STRN: variants seen among roughly 807,000 people sequenced by gnomAD.
STRN encodes the protein striatin, also known as protein phosphatase 2 regulatory subunit B'''alpha.
STRN carries 53 observed loss-of-function variants against 96.3 expected under a neutral mutation model. The ratio of observed to expected loss-of-function variants is 0.55; its 90% CI spans 0.44 to 0.69. The LOEUF is 0.69. Among genes scored for constraint, STRN ranks in the 30% least tolerant of loss-of-function variants. The probability of loss-of-function intolerance (pLI) is 0.00; values close to 1 mark genes in which losing one functional copy is unlikely to be tolerated. For synonymous variants in STRN, 428 were observed against 355.9 expected (o/e 1.20, Z -2.28); for missense variants, 987 against 963.9 (o/e 1.02, Z -0.32).
At position 36,849,431 on chromosome 2, in the gene STRN, T is replaced by C. The variant is rs200128558; in HGVS notation, c.*25A>G. On this transcript the variant is annotated 3_prime_UTR_variant, in exon 18 of 18. Coordinates refer to ENST00000263918, the MANE Select transcript of STRN (RefSeq NM_003162.4). ...GTGCAGTTGATTACTTATAAACAGCTAGAAGGTGAAGATGATGCATTGCGT... is the reference window on the plus strand; with the variant it reads ...GTGCAGTTGATTACTTATAAACAGCCAGAAGGTGAAGATGATGCATTGCGT... The C allele has an allele frequency of 7.8e-5, 126 of 1,612,358 alleles. No individual in the cohort carries two copies. The highest frequency in any genetic ancestry group is 6.7e-5 in the African/African-American group (5 of 74,838).
chr2:36,938,616 C>G (rs1193109112), intron 1 of STRN, among the ~76,000 whole-genome samples: 2 of 152,102 alleles, frequency 1.3e-5, no homozygotes, highest in East Asian at 3.8e-4. Context: ...TAAAAGTGGT[C>G]TGCAGCGTTT....
chr2:36,917,168 G>GT (rs897854726), intron 2 of STRN, among the ~76,000 whole-genome samples: 25 of 149,100 alleles, frequency 1.7e-4, no homozygotes, highest in Middle Eastern at 3.4e-3. Flanking sequence ...AAATTTGAAA[G>GT]TTTTTTTTTT....
chr2:36,929,613 G>A (rs1233789627), intron 1 of STRN, among the ~76,000 whole-genome samples: 1 of 152,152 alleles, frequency 6.6e-6, no homozygotes, highest in East Asian at 1.9e-4. Flanking sequence ...TCAAACTCCT[G>A]ACCTCGTGAT....
At chr2:36,919,017 G>C (rs1670179405) in intron 2 of STRN, among the ~76,000 whole-genome samples, 1 of 152,116 alleles carries the variant, frequency 6.6e-6, no homozygotes, top group African/African-American at 2.4e-5. Context: ...ATACACTAAA[G>C]AAGAGTAATT....
intron 2 of STRN, among the ~76,000 whole-genome samples, chr2:36,924,511 A>T (rs1417040087): frequency 6.6e-6 from 1 of 152,216 alleles, no homozygotes; most frequent in Non-Finnish European, 1.5e-5. Flanking sequence ...TTTCAACTTT[A>T]AAATGAATGG....
intron 1 of STRN, among the ~76,000 whole-genome samples, chr2:36,964,272 GT>G (rs1396593481): frequency 1.1e-3 from 140 of 132,776 alleles, no homozygotes; most frequent in South Asian, 1.7e-3. Context: ...TTTTGTTTTT[GT>G]TTTTTTTTTT....
chr2:36,842,161 C>T lies in STRN; in HGVS notation c.*7295G>A, dbSNP rs1667968641. ...CCACAAGCTGTTTATTTCTACAACT[C>T]ACGATTAATGTAAAACGTTGCTTTC... On this transcript the variant is annotated 3_prime_UTR_variant, in exon 18 of 18. Transcript: ENST00000263918. The T allele has an allele frequency of 6.6e-6, 1 of 152,196 alleles. No individual in the cohort carries two copies. The highest frequency in any genetic ancestry group is 6.5e-5 in the Admixed American group (1 of 15,270). The allele number at this position is 152,196 out of a possible 1,614,324, so 9.4% of individuals were successfully genotyped here. A position where few individuals can be genotyped will look rare whatever the true frequency, so the allele number is the denominator to read the frequency against.
At chr2:36,923,454 A>C (rs1670316328) in intron 2 of STRN, among the ~76,000 whole-genome samples, 1 of 151,928 alleles carries the variant, frequency 6.6e-6, no homozygotes, top group South Asian at 2.1e-4. Flanking sequence ...CCAAAAAAAA[A>C]AAAAAAAAAA....
rs559981876 is a variant in STRN at position 36,841,890 on chromosome 2, T to C, written c.*7566A>G. 5.3e-5 allele frequency: 8 copies of C among 152,338 alleles called. No individual in the cohort carries two copies. Among genetic ancestry groups the C allele is most frequent in the South Asian group, 2.1e-4 (1 of 4,834 alleles). The allele number at this position is 152,338 out of a possible 1,614,324, so 9.4% of individuals were successfully genotyped here. On this transcript the variant is annotated 3_prime_UTR_variant, in exon 18 of 18. Transcript: ENST00000263918. ...TCAGAAGTGGTATACTGCCAGCCCA[T>C]TGAAGTTGAAATGGAAGACAATGTG...
intron 7 of STRN, among the ~76,000 whole-genome samples, chr2:36,887,153 G>T (rs1669256251): frequency 1.3e-5 from 2 of 151,674 alleles, no homozygotes; most frequent in South Asian, 4.1e-4. Context: ...TCTCGGCCAG[G>T]TGGGGTGGCT....
intron 1 of STRN, among the ~76,000 whole-genome samples, chr2:36,949,398 G>A (rs1338555918): frequency 6.6e-6 from 1 of 151,814 alleles, no homozygotes; most frequent in Non-Finnish European, 1.5e-5. Flanking sequence ...CCTATAACAG[G>A]CAAAAATAAA....
At chr2:36,920,405 G>A (rs1404935188) in intron 2 of STRN, among the ~76,000 whole-genome samples, 4 of 151,398 alleles carry the variant, frequency 2.6e-5, no homozygotes, top group African/African-American at 7.3e-5. Flanking sequence ...TTGGGAGGCC[G>A]AGGTGGGCAG....
At chr2:36,953,770 T>A (rs1355417312) in intron 1 of STRN, among the ~76,000 whole-genome samples, 1 of 152,224 alleles carries the variant, frequency 6.6e-6, no homozygotes, top group Non-Finnish European at 1.5e-5. Context: ...AATAACTTTC[T>A]GCATAAGAGC....
intron 1 of STRN, among the ~76,000 whole-genome samples, chr2:36,957,827 T>C (rs1345258327): frequency 7.6e-6 from 1 of 132,114 alleles, no homozygotes; most frequent in Non-Finnish European, 1.6e-5. Context: ...CTCGGCTCAC[T>C]GCAACCTCTG....
chr2:36,883,683 T>C (rs1380379975), intron 9 of STRN, among the ~76,000 whole-genome samples: 1 of 152,208 alleles, frequency 6.6e-6, no homozygotes, highest in South Asian at 2.1e-4. Flanking sequence ...TGGGCATCAG[T>C]GGAGCCAGCG....
At chr2:36,912,080 A>G (rs1049504833) in intron 3 of STRN, among the ~76,000 whole-genome samples, 1 of 152,118 alleles carries the variant, frequency 6.6e-6, no homozygotes. Flanking sequence ...AACTTCCTAC[A>G]TTCTCTCCTG....
At chr2:36,856,726 C>G (rs1192011815) in intron 14 of STRN, among the ~76,000 whole-genome samples, 1 of 152,202 alleles carries the variant, frequency 6.6e-6, no homozygotes, top group Non-Finnish European at 1.5e-5. Flanking sequence ...TGTGTCCTCA[C>G]TCAAGTCTCA....
At chr2:36,948,774 A>G (rs1184035613) in intron 1 of STRN, among the ~76,000 whole-genome samples, 1 of 152,260 alleles carries the variant, frequency 6.6e-6, no homozygotes, top group Non-Finnish European at 1.5e-5. Flanking sequence ...AGTACTAAAA[A>G]AGAAACATCA....
At chr2:36,893,398 G>C (rs1387257143) in intron 7 of STRN, among the ~76,000 whole-genome samples, 1 of 151,378 alleles carries the variant, frequency 6.6e-6, no homozygotes, top group Non-Finnish European at 1.5e-5. Context: ...CAAAATACTT[G>C]TTTCAACTCT....
Sources: allele counts gnomAD v4.1 joint callset (sites outside exome capture counted in the v4.1 genomes callset), GRCh38; gene constraint gnomAD v4.1.1; transcripts MANE v1.5; gene names NCBI Gene and HGNC (gene_info 2026-07-23, HGNC 2026-07-21).